Variants in EDA observed in about 807,000 individuals in gnomAD.
EDA encodes the protein ectodysplasin A.
Under a neutral mutation model 23.6 loss-of-function variants are expected in EDA, and 2 were observed. The ratio of observed to expected loss-of-function variants is 0.08; its 90% CI spans 0.03 to 0.27. The LOEUF is 0.27. Ranked by LOEUF, EDA falls within the 10% of genes least tolerant of loss-of-function variation. EDA has a pLI of 1.00. For missense variants in EDA, 229 were observed against 324.2 expected (o/e 0.71, Z 2.26); for synonymous variants, 131 against 132.0 (o/e 0.99, Z 0.05).
intron 1 of EDA, among the ~76,000 whole-genome samples, chrX:69,699,886 T>TGGCAAGTAGAGTG (rs763885931): frequency 4.6e-4 from 51 of 110,224 alleles, no homozygotes; most frequent in African/African-American, 1.6e-3. Flanking sequence ...CAGCTTGATA[T>TGGCAAGTAGAGTG]AAGTTTGGCA....
chrX:70,029,064 T>C (rs925434553), intron 4 of EDA, among the ~76,000 whole-genome samples: 1 of 112,853 alleles, frequency 8.9e-6, no homozygotes, highest in Admixed American at 9.3e-5. Context: ...TGGTCCCTTT[T>C]CTTATAGAGT....
chrX:69,678,949 G>A (rs201160889), intron 1 of EDA, among the ~76,000 whole-genome samples: 124 of 82,100 alleles, frequency 1.5e-3, no homozygotes, highest in South Asian at 2.1e-3. Flanking sequence ...TATGATATTG[G>A]CTGTGGGTTT....
chrX:69,789,375 C>G (rs1032429286), intron 1 of EDA, among the ~76,000 whole-genome samples: 1 of 112,405 alleles, frequency 8.9e-6, no homozygotes, highest in South Asian at 3.7e-4. Context: ...TGTTTCTTAG[C>G]AGAACCAGAA....
At chrX:70,015,678 A>G (rs888705399) in intron 2 of EDA, among the ~76,000 whole-genome samples, 3 of 112,173 alleles carry the variant, frequency 2.7e-5, no homozygotes, top group African/African-American at 9.7e-5. Flanking sequence ...GCAAATGCTA[A>G]GGAAATTCAT....
At chrX:69,781,606 G>C (rs1291278275) in intron 1 of EDA, among the ~76,000 whole-genome samples, 1 of 111,551 alleles carries the variant, frequency 9.0e-6, no homozygotes, top group Non-Finnish European at 1.9e-5. Context: ...GTTGAAGTTA[G>C]TCATGTTATA....
chrX:69,689,663 T>A (rs1449949915), intron 1 of EDA, among the ~76,000 whole-genome samples: 1 of 111,167 alleles, frequency 9.0e-6, no homozygotes, highest in Admixed American at 9.6e-5. Context: ...TCAAGATTGG[T>A]TTTGGCTATT....
chrX:69,950,989 G>C (rs1228311088), intron 1 of EDA, among the ~76,000 whole-genome samples: 3 of 102,697 alleles, frequency 2.9e-5, no homozygotes, highest in Non-Finnish European at 4.0e-5. Context: ...ATACCTAATG[G>C]TAGATGACGA....
chrX:69,630,428 C>T (rs1462215807), intron 1 of EDA, among the ~76,000 whole-genome samples: 1 of 111,659 alleles, frequency 9.0e-6, no homozygotes, highest in Non-Finnish European at 1.9e-5. Context: ...AACCAGAGTG[C>T]CTCATGCTTA....
intron 1 of EDA, among the ~76,000 whole-genome samples, chrX:69,810,257 CAAAAAAAAAAAAAAAAAAAAAAAAAAAA>C (rs1160638267): frequency 2.9e-4 from 5 of 17,171 alleles, no homozygotes; most frequent in Non-Finnish European, 4.7e-4. Flanking sequence ...GACTCCATCT[CAAAAAAAAAAAAAAAAAAAAAAAAAAAA>C]AAAAAAAAAA....
At position 69,849,080 on chromosome X, in the gene EDA, TATACACACACAC is replaced by T. The variant is rs1218181915; in HGVS notation, c.397-107945_397-107934del. Among the ~76,000 whole-genome samples, 237 of 84,709 alleles carry T rather than the reference TATACACACACAC, an allele frequency of 2.8e-3. 2 individuals are homozygous for T. Among genetic ancestry groups the T allele is most frequent in the African/African-American group, 7.4e-3 (142 of 19,316 alleles). The allele number at this position is 84,709 out of a possible 115,157, so 73.6% of individuals were successfully genotyped here. On this transcript the variant is annotated intron_variant, in intron 1 of 7. Transcript: ENST00000374552. ...TTTAATATAATGCACACAAAGTCTA[TATACACACACAC>T]ACACACACACACACACACACACACA...
At chrX:69,929,706 TTGTGTGTGTGTGTGTGTGTGTGTG>T (rs4007701) in intron 1 of EDA, among the ~76,000 whole-genome samples, 1 of 84,331 alleles carries the variant, frequency 1.2e-5, no homozygotes, top group Non-Finnish European at 2.3e-5. Flanking sequence ...CATTCTATTT[TTGTGTGTGTGTGTGTGTGTGTGTG>T]TGTGTGTGTG....
chrX:69,877,302 T>TA (rs2017660950), intron 1 of EDA, among the ~76,000 whole-genome samples: 1 of 111,498 alleles, frequency 9.0e-6, no homozygotes. Context: ...AGACCCTGAG[T>TA]AAAAAAAATG....
At chrX:69,710,204 T>C (rs1443380672) in intron 1 of EDA, among the ~76,000 whole-genome samples, 1 of 110,451 alleles carries the variant, frequency 9.1e-6, no homozygotes, top group Non-Finnish European at 1.9e-5. Flanking sequence ...CAGTTTCAGC[T>C]TTCTACATAT....
At chrX:69,833,849 A>G (rs2016692173) in intron 1 of EDA, among the ~76,000 whole-genome samples, 1 of 110,432 alleles carries the variant, frequency 9.1e-6, no homozygotes, top group African/African-American at 3.3e-5. Flanking sequence ...CATGTGCACA[A>G]CGTGCAGGTT....
chrX:69,717,525 T>G (rs1045141627), intron 1 of EDA, among the ~76,000 whole-genome samples: 7 of 106,166 alleles, frequency 6.6e-5, no homozygotes, highest in African/African-American at 1.7e-4. Flanking sequence ...AAATTGTTTT[T>G]TTTTTTTTTT....
intron 1 of EDA, among the ~76,000 whole-genome samples, chrX:69,758,294 T>A (rs1232167057): frequency 8.9e-6 from 1 of 111,968 alleles, no homozygotes; most frequent in Non-Finnish European, 1.9e-5. Flanking sequence ...GGGTAGAGGG[T>A]AAGACTGTTG....
chrX:69,764,986 C>T (rs114599621), intron 1 of EDA, among the ~76,000 whole-genome samples: 1 of 111,585 alleles, frequency 9.0e-6, no homozygotes, highest in African/African-American at 3.2e-5. Flanking sequence ...GGCATGGCAC[C>T]GCCTAACAAT....
At chrX:69,791,113 A>G (rs1024890663) in intron 1 of EDA, among the ~76,000 whole-genome samples, 1 of 111,818 alleles carries the variant, frequency 8.9e-6, no homozygotes, top group African/African-American at 3.2e-5. Context: ...TGGACTCCCC[A>G]TGTATGTACA....
intron 1 of EDA, among the ~76,000 whole-genome samples, chrX:69,760,918 A>G (rs2014288422): frequency 9.0e-6 from 1 of 111,602 alleles, no homozygotes; most frequent in Non-Finnish European, 1.9e-5. Context: ...ATAAATGCCA[A>G]TTTGTTGGGT....
Sources: allele counts gnomAD v4.1 joint callset (sites outside exome capture counted in the v4.1 genomes callset), GRCh38; gene constraint gnomAD v4.1.1; transcripts MANE v1.5; gene names NCBI Gene and HGNC (gene_info 2026-07-23, HGNC 2026-07-21).